The following MUC13 variants were observed in gnomAD, a reference collection of about 807,000 sequenced individuals.
MUC13 encodes mucin-13.
A neutral mutation model predicts 48.3 loss-of-function variants in MUC13; 32 were observed. The observed-to-expected ratio is 0.66, with a 90% CI of 0.50 to 0.89. The LOEUF (loss-of-function observed/expected upper bound fraction) is 0.89. Among genes scored for constraint, MUC13 ranks in the 40% least tolerant of loss-of-function variants. The probability of loss-of-function intolerance (pLI) is 0.00; values close to 1 mark genes in which losing one functional copy is unlikely to be tolerated. For synonymous variants in MUC13, 199 were observed against 224.9 expected (o/e 0.88, Z 1.03); for missense variants, 571 against 622.8 (o/e 0.92, Z 0.88).
chr3:124,922,714 C>T (rs1473043357), intron 3 of MUC13, among the ~76,000 whole-genome samples: 1 of 152,256 alleles, frequency 6.6e-6, no homozygotes, highest in Non-Finnish European at 1.5e-5. Context: ...AAGTGATCCT[C>T]CTGCCTTGGC....
Position 124,908,225 on chromosome 3 carries a change from G to A in MUC13, c.1461C>T (p.Val487=), listed in dbSNP as rs2107666681. Residue 487 remains valine (V), a synonymous_variant, in exon 11 of 12, where the codon GTC becomes GTT. Coordinates refer to ENST00000616727, the MANE Select transcript of MUC13 (RefSeq NM_033049.4). ...LGAEGSVFPK[V]RITASRDSQM... ...GGCTGTCTCTGGAGGCCGTTATCCT[G>A]ACCTTAGGAAAGACGCTCCCTTCTG... The A allele has an allele frequency of 6.2e-7, 1 of 1,614,156 alleles. No individual in the cohort carries two copies.
At chr3:124,907,365 C>T (rs1245776160) in intron 11 of MUC13, among the ~76,000 whole-genome samples, 2 of 152,082 alleles carry the variant, frequency 1.3e-5, no homozygotes, top group African/African-American at 2.4e-5. Flanking sequence ...CCTGTAATCC[C>T]AGCACTTTGG....
chr3:124,933,465 C>T (rs904135668), intron 1 of MUC13, among the ~76,000 whole-genome samples: 4 of 152,126 alleles, frequency 2.6e-5, no homozygotes, highest in Non-Finnish European at 5.9e-5. Flanking sequence ...GAAAGAAGAC[C>T]GAGAAGGAAA....
intron 2 of MUC13, among the ~76,000 whole-genome samples, chr3:124,926,001 C>T (rs1474013475): frequency 6.6e-6 from 1 of 152,110 alleles, no homozygotes; most frequent in Non-Finnish European, 1.5e-5. Context: ...CAAAAATAAG[C>T]GTCACCCCTC....
intron 6 of MUC13, 99 bp downstream of exon 6, chr3:124,916,218 G>T: frequency 2.3e-6 from 2 of 869,798 alleles, no homozygotes; most frequent in East Asian, 2.5e-5. Flanking sequence ...TCAGTTCAAT[G>T]ATGCAGTTCT....
intron 9 of MUC13, among the ~76,000 whole-genome samples, chr3:124,911,848 C>T (rs1217659710): frequency 1.3e-5 from 2 of 152,124 alleles, no homozygotes; most frequent in African/African-American, 2.4e-5. Flanking sequence ...CTTCTCTGGT[C>T]TCAAGCAAGT....
chr3:124,932,793 T>C (rs568079902), intron 1 of MUC13, among the ~76,000 whole-genome samples: 54 of 152,146 alleles, frequency 3.5e-4, no homozygotes, highest in African/African-American at 1.2e-3. Flanking sequence ...AGTGGTGGCA[T>C]GCCATCTGAA....
rs750109708 is a variant in MUC13 at position 124,922,271 on chromosome 3, C to T, written c.670G>A (p.Val224Ile). The T allele has an allele frequency of 6.2e-7, 1 of 1,614,108 alleles. No homozygotes were observed. ...KVFPGKISVT[V>I]SETFDPEEKH... is the part of the protein sequence containing the mutation. ...TCTTCTGGGTCAAATGTTTCTGATACTGTCACTGAAATCTTCCCAGGGAAT... is the reference window on the plus strand; with the variant it reads ...TCTTCTGGGTCAAATGTTTCTGATATTGTCACTGAAATCTTCCCAGGGAAT... Residue 224 changes from valine to isoleucine, a missense_variant, in exon 4 of 12, where the codon GTA becomes ATA. Transcript: ENST00000616727.
chr3:124,916,268 G>T, intron 6 of MUC13, 49 bp downstream of exon 6: 1 of 1,424,520 alleles, frequency 7.0e-7, no homozygotes, highest in Non-Finnish European at 9.8e-7. Flanking sequence ...TTACAAAAAA[G>T]GTAGGTAGGT....
intron 5 of MUC13, among the ~76,000 whole-genome samples, chr3:124,916,950 G>A (rs544033048): frequency 2.0e-4 from 31 of 152,182 alleles, no homozygotes; most frequent in African/African-American, 7.5e-4. Context: ...AGAGAGCCTG[G>A]ATCACTCCCA....
chr3:124,925,898 A>G (rs1055709141), intron 2 of MUC13, among the ~76,000 whole-genome samples: 9 of 152,192 alleles, frequency 5.9e-5, no homozygotes, highest in African/African-American at 2.2e-4. Flanking sequence ...TACAGGCGTG[A>G]GCCACCATGC....
At position 124,931,516 on chromosome 3, in the gene MUC13, G is replaced by A. The variant is rs1374007163; in HGVS notation, c.52+3145C>T. Among the ~76,000 whole-genome samples the A allele has an allele frequency of 2.0e-5, 3 of 151,828 alleles. No homozygotes were observed. In the East Asian group the frequency reaches 5.8e-4, roughly 29 times the overall value. ...TAATCCCAGCAGTTTGGGAGGCCGAGGCGGGCAGATCACCTGAGGTCAGGA... is the reference window on the plus strand; with the variant it reads ...TAATCCCAGCAGTTTGGGAGGCCGAAGCGGGCAGATCACCTGAGGTCAGGA... On this transcript the variant is annotated intron_variant, in intron 1 of 11. Transcript: ENST00000616727.
At chr3:124,925,473 G>A (rs77163295) in intron 2 of MUC13, among the ~76,000 whole-genome samples, 5,552 of 152,238 alleles carry the variant, frequency 0.036, 153 homozygotes, top group South Asian at 0.072. Flanking sequence ...TGTGTCACTG[G>A]AGGTTTATCA....
chr3:124,914,667 C>T (rs1935480653), intron 6 of MUC13, among the ~76,000 whole-genome samples: 2 of 152,182 alleles, frequency 1.3e-5, no homozygotes, highest in African/African-American at 4.8e-5. Context: ...TGGCTCACAC[C>T]TGTAATCCCA....
intron 1 of MUC13, among the ~76,000 whole-genome samples, chr3:124,929,174 TA>T (rs72005162): frequency 0.36 from 51,022 of 143,666 alleles, 9,359 homozygotes; most frequent in Admixed American, 0.4. Flanking sequence ...CCCACTCTTT[TA>T]TTTTATTTTT....
chr3:124,927,854 T>C lies in MUC13; in HGVS notation c.192A>G (p.Pro64=). The C allele has an allele frequency of 6.2e-7, 1 of 1,613,776 alleles. No homozygotes were observed. Among genetic ancestry groups the C allele is most frequent in the Non-Finnish European group, 8.5e-7 (1 of 1,179,978 alleles). ...TGGGGGGAGCAGGTGAAGTAGCTGT[T>C]GGGAAAGAAGGTGTATTTGCTGTGG... ...ASTTANTPSF[P]TATSPAPPII... The change falls in exon 2 of 12, where the codon CCA becomes CCG. Residue 64 remains proline (P), a synonymous_variant. Transcript: ENST00000616727.
intron 1 of MUC13, 116 bp from the exon 2 acceptor site, chr3:124,928,109 T>A: frequency 1.2e-6 from 1 of 817,066 alleles, no homozygotes; most frequent in Non-Finnish European, 1.8e-6. Flanking sequence ...AGAGGTAGGG[T>A]TTCCCCAAGT....
chr3:124,907,661 G>T (rs2332925), intron 11 of MUC13, among the ~76,000 whole-genome samples: 65,450 of 146,168 alleles, frequency 0.45, 14,947 homozygotes, highest in African/African-American at 0.58. Flanking sequence ...TATATATAGA[G>T]AGAGAGAGAG....
chr3:124,924,730 G>C (rs1486894060), intron 2 of MUC13, among the ~76,000 whole-genome samples: 2 of 152,292 alleles, frequency 1.3e-5, no homozygotes, highest in East Asian at 3.8e-4. Flanking sequence ...TTTAGGATGA[G>C]AGGGAGATTT....
Sources: allele counts gnomAD v4.1 joint callset (sites outside exome capture counted in the v4.1 genomes callset), GRCh38; gene constraint gnomAD v4.1.1; transcripts MANE v1.5; gene names NCBI Gene and HGNC (gene_info 2026-07-23, HGNC 2026-07-21).